Variants in CNOT1 observed in about 807,000 individuals in gnomAD.
CNOT1 encodes the protein CCR4-NOT transcription complex subunit 1.
A neutral mutation model predicts 273.8 loss-of-function variants in CNOT1; 15 were observed. That is an observed-to-expected ratio of 0.05 (90% confidence interval 0.04 to 0.08). The LOEUF is 0.08. Among genes scored for constraint, CNOT1 ranks in the 10% least tolerant of loss-of-function variants. The pLI, the probability that CNOT1 is intolerant of heterozygous loss-of-function variation, is 1.00. For synonymous variants in CNOT1, 1,022 were observed against 1,005.5 expected, an observed-to-expected ratio of 1.02 and a Z score of -0.31; for missense variants, 1,644 against 2,912.2, an observed-to-expected ratio of 0.56 and a Z score of 10.02.
At chr16:58,536,852 T>A (rs947534556) in intron 39 of CNOT1, 137 bp downstream of exon 39, 24 of 1,354,856 alleles carry the variant, frequency 1.8e-5, no homozygotes, top group Non-Finnish European at 2.4e-5. Flanking sequence ...TTTAACCATA[T>A]AATGATGACA....
At chr16:58,623,310 A>G (rs2043428060) in intron 1 of CNOT1, 1 of 152,240 alleles carries the variant, frequency 6.6e-6, no homozygotes, top group African/African-American at 2.4e-5. Flanking sequence ...TTCCTGGCAT[A>G]CAACTTCTAA....
intron 1 of CNOT1, among the ~76,000 whole-genome samples, chr16:58,625,403 T>G (rs149165): frequency 0.32 from 48,128 of 152,076 alleles, 9,612 homozygotes; most frequent in Non-Finnish European, 0.45. Context: ...TCCCAGCTAT[T>G]CAGGAGGCTG....
intron 13 of CNOT1, among the ~76,000 whole-genome samples, chr16:58,577,080 T>A (rs1046181111): frequency 2.7e-5 from 3 of 111,380 alleles, no homozygotes; most frequent in Admixed American, 2.3e-4. Context: ...TTGATTTTTT[T>A]AATTCCATTT....
Position 58,581,504 on chromosome 16 carries a change from C to T in CNOT1, c.1056G>A (p.Leu352=), listed in dbSNP as rs1370172734. 1 of 1,610,964 alleles carries T rather than the reference C, an allele frequency of 6.2e-7. No individual in the cohort carries two copies. Among genetic ancestry groups the T allele is most frequent in the East Asian group, 2.2e-5 (1 of 44,812 alleles). The change falls in exon 11 of 49, where the codon TTG becomes TTA. Residue 352 remains leucine (L), a synonymous_variant. Coordinates refer to ENST00000317147, the MANE Select transcript of CNOT1 (RefSeq NM_016284.5). Reference sequence around the variant, plus strand: ...GTTCATAAGTTACTTCCTTGAAATTCAAACTTGGATTCTAAAAAAGACCAA... The same window carrying T: ...GTTCATAAGTTACTTCCTTGAAATTTAAACTTGGATTCTAAAAAAGACCAA... ...IDVLKELNPS[L]NFKEVTYELD... is the part of the protein sequence containing the mutation.
chr16:58,560,411 A>T, intron 16 of CNOT1, 49 bp from the exon 17 acceptor site: 4 of 1,579,400 alleles, frequency 2.5e-6, no homozygotes, highest in Non-Finnish European at 3.4e-6. Context: ...ATTCTCTAGC[A>T]CATGTAAGTA....
chr16:58,609,663 T>C (rs1431548320), intron 1 of CNOT1, among the ~76,000 whole-genome samples: 1 of 151,918 alleles, frequency 6.6e-6, no homozygotes, highest in Admixed American at 6.6e-5. Context: ...GGGTCTCACT[T>C]TGTTGCCCAA....
intron 41 of CNOT1, 62 bp from the exon 42 acceptor site, chr16:58,532,137 G>A: frequency 6.2e-7 from 1 of 1,607,942 alleles, no homozygotes; most frequent in South Asian, 1.1e-5. Context: ...AACAGCACAT[G>A]AATGTAGGCT....
chr16:58,599,565 A>C lies in CNOT1; in HGVS notation c.-174-54T>G, dbSNP rs533458018. 8 of 557,710 alleles carry C rather than the reference A, an allele frequency of 1.4e-5. No homozygotes were observed. In the East Asian group the frequency reaches 2.2e-4, roughly 16 times the overall value. The allele number at this position is 557,710 out of a possible 1,614,324, so 34.5% of individuals were successfully genotyped here. A position where few individuals can be genotyped will look rare whatever the true frequency, so the allele number is the denominator to read the frequency against. On this transcript the variant is annotated intron_variant, in intron 1 of 48. Transcript: ENST00000317147. ...CCAGATTTTTAAATTAAAAGGAAAA[A>C]GGAGGCTGGTCCAGGCGCAGTGGTG...
intron 1 of CNOT1, among the ~76,000 whole-genome samples, chr16:58,620,395 CT>C (rs1361050895): frequency 6.6e-6 from 1 of 152,058 alleles, no homozygotes; most frequent in African/African-American, 2.4e-5. Context: ...AATCCCAACA[CT>C]TTGGGAGGCC....
intron 1 of CNOT1, among the ~76,000 whole-genome samples, chr16:58,617,798 G>A (rs2043146402): frequency 6.6e-6 from 1 of 152,122 alleles, no homozygotes; most frequent in African/African-American, 2.4e-5. Context: ...TTGAAACCAG[G>A]AGCTCAAGAC....
At chr16:58,587,309 T>G in intron 5 of CNOT1, 36 bp downstream of exon 5, 1 of 1,613,596 alleles carries the variant, frequency 6.2e-7, no homozygotes, top group Non-Finnish European at 8.5e-7. Context: ...TTTTTAATTC[T>G]AGTTTTGTCT....
In CNOT1 at chr16:58,534,366, A is replaced by G. The variant is rs777156532; in HGVS notation, c.5676T>C (p.Asp1892=). The change falls in exon 40 of 49, where the codon GAT becomes GAC. Residue 1892 remains aspartate (D), a synonymous_variant. Coordinates refer to ENST00000317147, the MANE Select transcript of CNOT1 (RefSeq NM_016284.5). ...QMHQQGILKT[D]DLITRFFRLC... ...GACGAAAGAACCTTGTTATGAGATC[A>G]TCGGTCTTCAGTATTCCTTGCTGGT... The G allele has an allele frequency of 1.2e-6, 2 of 1,613,738 alleles. No individual in the cohort carries two copies. The highest frequency in any genetic ancestry group is 1.1e-5 in the South Asian group (1 of 91,076).
intron 34 of CNOT1, among the ~76,000 whole-genome samples, chr16:58,541,207 A>G (rs2040084788): frequency 6.6e-6 from 1 of 152,180 alleles, no homozygotes; most frequent in Non-Finnish European, 1.5e-5. Context: ...CCTGTCTCAA[A>G]AAAATAAATA....
chr16:58,599,509 C>A lies in CNOT1; in HGVS notation c.-172G>T. 1 of 712,606 alleles carries A rather than the reference C, an allele frequency of 1.4e-6. No individual in the cohort carries two copies. The highest frequency in any genetic ancestry group is 2.2e-6 in the Non-Finnish European group (1 of 463,546). 44.1% of individuals were successfully genotyped at this position (712,606 alleles called of 1,614,324 possible). A position where few individuals can be genotyped will look rare whatever the true frequency, so the allele number is the denominator to read the frequency against. On this transcript the variant is annotated splice_region_variant and 5_prime_UTR_variant, in exon 2 of 49. Transcript: ENST00000317147. Reference sequence around the variant, plus strand: ...GGTCTTACTCTGTTCTGAAACATGGCACCTGTTTAAAAAAACACACACACA... The same window carrying A: ...GGTCTTACTCTGTTCTGAAACATGGAACCTGTTTAAAAAAACACACACACA...
At position 58,545,364 on chromosome 16, in the gene CNOT1, T is replaced by C; in HGVS notation, c.4134A>G (p.Pro1378=). 6.2e-7 allele frequency: 1 copy of C among 1,613,340 alleles called. No homozygotes were observed. Among genetic ancestry groups the C allele is most frequent in the East Asian group, 2.2e-5 (1 of 44,864 alleles). ...GAATGGAGCAGTGTTTACTTACTGTTGGATTCAGAGTAATGTGTGGTGCCA... is the reference window on the plus strand; with the variant it reads ...GAATGGAGCAGTGTTTACTTACTGTCGGATTCAGAGTAATGTGTGGTGCCA... ...AGLAPHITLN[P]TIPLFQAHPQ... Residue 1378 remains proline (P), a synonymous_variant, in exon 30 of 49, where the codon CCA becomes CCG. Transcript: ENST00000317147.
intron 45 of CNOT1, 118 bp from the exon 46 acceptor site, chr16:58,525,477 C>G: frequency 2.5e-6 from 2 of 809,490 alleles, no homozygotes; most frequent in Non-Finnish European, 3.9e-6. Context: ...TATTGTGATT[C>G]ACTTGCTTGA....
intron 1 of CNOT1, among the ~76,000 whole-genome samples, chr16:58,600,216 C>T (rs533294373): frequency 7.2e-5 from 11 of 151,956 alleles, no homozygotes; most frequent in Admixed American, 5.3e-4. Flanking sequence ...GGCATGGTGG[C>T]GAGTGCCTGT....
intron 16 of CNOT1, among the ~76,000 whole-genome samples, chr16:58,569,948 G>A (rs1462925549): frequency 6.6e-6 from 1 of 151,996 alleles, no homozygotes; most frequent in African/African-American, 2.4e-5. Context: ...ACATAATCAA[G>A]CTGATGAAAG....
intron 30 of CNOT1, among the ~76,000 whole-genome samples, chr16:58,544,717 T>C (rs887108171): frequency 1.3e-5 from 2 of 152,180 alleles, no homozygotes; most frequent in African/African-American, 4.8e-5. Flanking sequence ...GTAAGGACAA[T>C]GAAAACTCCA....
Sources: allele counts gnomAD v4.1 joint callset (sites outside exome capture counted in the v4.1 genomes callset), GRCh38; gene constraint gnomAD v4.1.1; transcripts MANE v1.5; gene names NCBI Gene and HGNC (gene_info 2026-07-23, HGNC 2026-07-21).